Variants in CCNI observed in about 807,000 individuals in gnomAD.
The protein encoded by CCNI is cyclin I, also known as cyclin-I.
Under a neutral mutation model 34.1 loss-of-function variants are expected in CCNI, and 14 were observed. That is an observed-to-expected ratio of 0.41 (90% confidence interval 0.27 to 0.64). CCNI has a LOEUF of 0.64. Among genes scored for constraint, CCNI ranks in the 30% least tolerant of loss-of-function variants. The pLI is 0.31. For missense variants in CCNI, 385 were observed against 440.5 expected, an observed-to-expected ratio of 0.87 and a Z score of 1.13; for synonymous variants, 154 against 158.4, an observed-to-expected ratio of 0.97 and a Z score of 0.21.
intron 1 of CCNI, among the ~76,000 whole-genome samples, chr4:77,068,882 G>A (rs1729246144): frequency 6.6e-6 from 1 of 151,946 alleles, no homozygotes; most frequent in Non-Finnish European, 1.5e-5. Flanking sequence ...ACTTACTAGA[G>A]ACTAATTCTG....
rs932151279 is a variant in CCNI, at chr4:77,047,447, CTAATT to C, written c.*767_*771del. 2.6e-5 allele frequency: 4 copies of C among 152,146 alleles called. No homozygotes were observed. The highest frequency in any genetic ancestry group is 7.2e-5 in the African/African-American group (3 of 41,428). The allele number at this position is 152,146 out of a possible 1,614,324, so 9.4% of individuals were successfully genotyped here. A position where few individuals can be genotyped will look rare whatever the true frequency, so the allele number is the denominator to read the frequency against. On this transcript the variant is annotated 3_prime_UTR_variant, in exon 7 of 7. Coordinates refer to ENST00000237654, the MANE Select transcript of CCNI (RefSeq NM_006835.3). ...AGTGAAAACTATCAGTTAGAAAAAT[CTAATT>C]TAAGTTGTTAATACATGTTTCTTTG...
At chr4:77,071,055 T>C (rs1392625403) in intron 1 of CCNI, among the ~76,000 whole-genome samples, 1 of 152,224 alleles carries the variant, frequency 6.6e-6, no homozygotes, top group Non-Finnish European at 1.5e-5. Flanking sequence ...AACAACCGAC[T>C]GTCACTAGTG....
At position 77,072,401 on chromosome 4, in the gene CCNI, G is replaced by A. The variant is rs191828995; in HGVS notation, c.-44+3071C>T. ...GTGAGGCAGGAGAGGAGCACTTGAGGCCAGGAGTTTGAGACCAGCCTGGAC... is the reference window on the plus strand; with the variant it reads ...GTGAGGCAGGAGAGGAGCACTTGAGACCAGGAGTTTGAGACCAGCCTGGAC... On this transcript the variant is annotated intron_variant, in intron 1 of 6. Coordinates refer to ENST00000237654, the MANE Select transcript of CCNI (RefSeq NM_006835.3). Among the ~76,000 whole-genome samples the A allele has an allele frequency of 1.8e-3, 267 of 145,830 alleles. 1 individual carries two copies. The highest frequency in any genetic ancestry group is 6.2e-3 in the African/African-American group (241 of 38,844).
chr4:77,052,517 G>A (rs1727936230), intron 6 of CCNI, among the ~76,000 whole-genome samples: 1 of 152,106 alleles, frequency 6.6e-6, no homozygotes, highest in African/African-American at 2.4e-5. Context: ...AGGGACAAAA[G>A]GAAGATTGCC....
rs375999413 is a variant in CCNI at position 77,048,579 on chromosome 4, G to A, written c.774C>T (p.Ser258=). The A allele has an allele frequency of 1.9e-6, 3 of 1,610,258 alleles. No individual in the cohort carries two copies. Among genetic ancestry groups the A allele is most frequent in the African/African-American group, 1.3e-5 (1 of 74,768 alleles). Residue 258 remains serine, a synonymous_variant, in exon 7 of 7, where the codon TCC becomes TCT. Transcript: ENST00000237654. ...GCTTGAGGGGACGGTAGACATAAAC[G>A]GAATTCAGAGGCAGGGAAGACTGCA... ...STLQSSLPLN[S]VYVYRPLKHT...
At chr4:77,054,425 G>A (rs768599940) in intron 6 of CCNI, among the ~76,000 whole-genome samples, 1 of 152,118 alleles carries the variant, frequency 6.6e-6, no homozygotes, top group Non-Finnish European at 1.5e-5. Flanking sequence ...CAGGTGGCAG[G>A]AAAATGGTCT....
rs1446977324 is a variant in CCNI at position 77,066,193 on chromosome 4, G to A, written c.114+56C>T. 4 of 1,327,310 alleles carry A rather than the reference G, an allele frequency of 3.0e-6. No individual in the cohort carries two copies. In the East Asian group the frequency reaches 9.2e-5, roughly 31 times the overall value. The allele number at this position is 1,327,310 out of a possible 1,614,324, so 82.2% of individuals were successfully genotyped here. On this transcript the variant is annotated intron_variant, in intron 2 of 6. Transcript: ENST00000237654. ...TAGTGTCAAGATATTATTATGTATG[G>A]CAGTAGTATGTTTATTTCTAATAAA... is the stretch of plus-strand genomic sequence containing the variant.
chr4:77,068,937 C>T (rs973839269), intron 1 of CCNI, among the ~76,000 whole-genome samples: 2 of 152,038 alleles, frequency 1.3e-5, no homozygotes, highest in Non-Finnish European at 2.9e-5. Context: ...CTTTAAACGC[C>T]TGAGTTTTTG....
At chr4:77,068,511 A>C (rs1004794304) in intron 1 of CCNI, among the ~76,000 whole-genome samples, 2 of 152,358 alleles carry the variant, frequency 1.3e-5, no homozygotes, top group East Asian at 3.9e-4. Context: ...GTGATGCTAA[A>C]TAACGGGACA....
intron 1 of CCNI, chr4:77,075,052 C>G (rs1324832941): frequency 2.0e-5 from 3 of 147,966 alleles, no homozygotes; most frequent in South Asian, 4.4e-4. Flanking sequence ...TTCAGTCTGC[C>G]GTGCAAAGTT....
intron 2 of CCNI, among the ~76,000 whole-genome samples, chr4:77,061,146 T>C (rs1025655730): frequency 2.4e-4 from 37 of 152,198 alleles, no homozygotes; most frequent in Non-Finnish European, 2.9e-5. Context: ...AAACCAGCAA[T>C]AATTTTTTTA....
intron 2 of CCNI, among the ~76,000 whole-genome samples, chr4:77,059,101 A>T (rs374345093): frequency 4.6e-5 from 7 of 152,262 alleles, no homozygotes; most frequent in African/African-American, 1.4e-4. Context: ...ACTAAAATCA[A>T]TAGTAATAAG....
intron 1 of CCNI, among the ~76,000 whole-genome samples, chr4:77,072,387 G>A (rs1266094236): frequency 6.9e-6 from 1 of 145,666 alleles, no homozygotes; most frequent in Non-Finnish European, 1.5e-5. Context: ...TGAGGCAGGA[G>A]AGGAGCACTT....
intron 6 of CCNI, among the ~76,000 whole-genome samples, chr4:77,050,336 C>T (rs139509272): frequency 1.7e-3 from 263 of 152,268 alleles, no homozygotes; most frequent in African/African-American, 6.1e-3. Flanking sequence ...CTGCAGCACT[C>T]ACCATGACTG....
In CCNI at chr4:77,075,757, G is replaced by C. The variant is rs1262814887; in HGVS notation, c.-329C>G. On this transcript the variant is annotated 5_prime_UTR_variant, in exon 1 of 7. Coordinates refer to ENST00000237654, the MANE Select transcript of CCNI (RefSeq NM_006835.3). ...CCTGAGGCCGCCGCCGCTCGAGCCC[G>C]GGTTGGGAGGGGGCTCCCTCTCGCC... is the stretch of plus-strand genomic sequence containing the variant. 7.9e-5 allele frequency: 13 copies of C among 163,740 alleles called. No individual in the cohort carries two copies. Among genetic ancestry groups the C allele is most frequent in the African/African-American group, 3.1e-4 (13 of 41,604 alleles). 10.1% of individuals were successfully genotyped at this position (163,740 alleles called of 1,614,324 possible).
chr4:77,075,446 C>A (rs1450542863), intron 1 of CCNI, 26 bp downstream of exon 1: 1 of 728,558 alleles, frequency 1.4e-6, no homozygotes, highest in Non-Finnish European at 1.7e-6. Context: ...ACGCGTCGAG[C>A]CCCCGCCCCC....
intron 6 of CCNI, among the ~76,000 whole-genome samples, chr4:77,052,429 G>GAGA (rs1232210824): frequency 6.6e-6 from 1 of 152,188 alleles, no homozygotes; most frequent in Non-Finnish European, 1.5e-5. Context: ...AGGCTAAGGA[G>GAGA]AGAAAGAGGT....
chr4:77,066,370 T>C lies in CCNI; in HGVS notation c.-8A>G. On this transcript the variant is annotated 5_prime_UTR_variant, in exon 2 of 7. Transcript: ENST00000237654. ...AGGCCCTGGAAACTTCATGATATCCTTTGGATCTGCCTGCTACCCAGCTTG... is the reference window on the plus strand; with the variant it reads ...AGGCCCTGGAAACTTCATGATATCCCTTGGATCTGCCTGCTACCCAGCTTG... 6.2e-7 allele frequency: 1 copy of C among 1,613,824 alleles called. No individual in the cohort carries two copies. Among genetic ancestry groups the C allele is most frequent in the South Asian group, 1.1e-5 (1 of 91,058 alleles).
chr4:77,059,525 G>C (rs555006176), intron 2 of CCNI, among the ~76,000 whole-genome samples: 2 of 151,842 alleles, frequency 1.3e-5, no homozygotes, highest in Admixed American at 6.6e-5. Flanking sequence ...ATTTACTTCA[G>C]GTTGATTTCC....
Sources: allele counts gnomAD v4.1 joint callset (sites outside exome capture counted in the v4.1 genomes callset), GRCh38; gene constraint gnomAD v4.1.1; transcripts MANE v1.5; gene names NCBI Gene and HGNC (gene_info 2026-07-23, HGNC 2026-07-21).